KMT2D: variants seen among roughly 807,000 people sequenced by gnomAD.
KMT2D encodes lysine methyltransferase 2D.
In KMT2D, 55 loss-of-function variants were observed where a neutral mutation model predicts 512.7. The ratio of observed to expected loss-of-function variants is 0.11; its 90% CI spans 0.09 to 0.13. The LOEUF is 0.13. Among genes scored for constraint, KMT2D ranks in the 10% least tolerant of loss-of-function variants. KMT2D has a pLI of 1.00. For synonymous variants in KMT2D, 2,995 were observed against 2,904.0 expected, an observed-to-expected ratio of 1.03 and a Z score of -1.01; for missense variants, 6,061 against 7,127.9, an observed-to-expected ratio of 0.85 and a Z score of 5.39.
Position 49,042,017 on chromosome 12 carries a change from G to A in KMT2D, c.6110-27C>T. The A allele has an allele frequency of 1.2e-6, 2 of 1,612,178 alleles. No individual in the cohort carries two copies. Among genetic ancestry groups the A allele is most frequent in the Non-Finnish European group, 1.7e-6 (2 of 1,178,906 alleles). On this transcript the variant is annotated intron_variant, in intron 29 of 54. Transcript: ENST00000301067. This position sits in a 1 kb window ranked among gnomAD's most constrained non-coding sequence, Gnocchi z 4.4. ...TGGAGGGCAGAGAGAGTGAGTCAGA[G>A]AAGACTTGGCAGGCGACTCCTCCAC...
intron 35 of KMT2D, among the ~76,000 whole-genome samples, chr12:49,035,138 G>A (rs542963515): frequency 7.2e-5 from 11 of 152,206 alleles, no homozygotes; most frequent in African/African-American, 9.6e-5. Context: ...TACTTGCACC[G>A]TGCTACAAAA....
In KMT2D at chr12:49,033,324, G is replaced by A. The variant is rs1489932502; in HGVS notation, c.11381C>T (p.Pro3794Leu). Residue 3794 changes from proline to leucine, a missense_variant, in exon 40 of 55, where the codon CCA becomes CTA. Pro to Leu is a moderately conservative substitution (Grantham distance 98, BLOSUM62 -3). Transcript: ENST00000301067. ...GLLVQQLSPQ[P>L]PQGPQGMLGP... ...CAGCATGCCCTGGGGCCCCTGGGGT[G>A]GTTGAGGGGACAGCTGCTGGACCAG... The A allele has an allele frequency of 6.3e-7, 1 of 1,594,170 alleles. No homozygotes were observed. The highest frequency in any genetic ancestry group is 8.5e-7 in the Non-Finnish European group (1 of 1,170,616).
In KMT2D at chr12:49,043,950, G is replaced by C. The variant is rs2120576105; in HGVS notation, c.5237C>G (p.Ala1746Gly). Residue 1746 changes from alanine to glycine, a missense_variant, in exon 23 of 55, where the codon GCT (alanine) becomes GGT (glycine). Ala to Gly is a moderately conservative substitution (Grantham distance 60). Transcript: ENST00000301067. ...TTGCTTCTTCTTCTCATCCCCTTCA[G>C]CTAAGCTCTGCTCCACGGCGCCCTC... ...PAEGAVEQSL[A>G]EGDEKKKQQR... 1 of 1,614,034 alleles carries C rather than the reference G, an allele frequency of 6.2e-7. No homozygotes were observed. The highest frequency in any genetic ancestry group is 8.5e-7 in the Non-Finnish European group (1 of 1,179,908).
At position 49,051,034 on chromosome 12, in the gene KMT2D, G is replaced by A. The variant is rs764325178; in HGVS notation, c.2649C>T (p.Phe883=). 1.3e-6 allele frequency: 2 copies of A among 1,551,990 alleles called. No individual in the cohort carries two copies. The highest frequency in any genetic ancestry group is 2.0e-5 in the Admixed American group (1 of 49,394). Residue 883 remains phenylalanine (F), a synonymous_variant, in exon 11 of 55, where the codon TTC becomes TTT. Coordinates refer to ENST00000301067, the MANE Select transcript of KMT2D (RefSeq NM_003482.4). ...ATAAGGATGGTTCCCCAGGGGGAGG[G>A]AACAAGGGCAGCTCCTCAGGTGCAG... The part of the protein sequence containing the change: ...QCPAPEELPL[F]PPPGEPSLSP...
rs1194839707 is a variant in KMT2D, at chr12:49,031,669, G to A, written c.13036C>T (p.Pro4346Ser). 3.1e-6 allele frequency: 5 copies of A among 1,610,386 alleles called. No homozygotes were observed. The African/African-American group carries it at 6.7e-5, about 22-fold the overall frequency. ...LPPTHPGTPK[P>S]QGPTLEPPPG... ...GGCGGCTCCAAGGTTGGCCCCTGAG[G>A]TTTGGGGGTCCCTGGATGGGTGGGA... is the stretch of plus-strand genomic sequence containing the variant. Residue 4346 changes from proline to serine, a missense_variant, in exon 40 of 55, where the codon CCT becomes TCT. Physicochemically the swap from Pro to Ser is moderately conservative, Grantham distance 74. Around this residue, in one of 16 missense-constraint regions of KMT2D, gnomAD observed 1,600 missense variants for 1,754.9 expected, o/e 0.91. Transcript: ENST00000301067.
intron 12 of KMT2D, among the ~76,000 whole-genome samples, chr12:49,049,480 C>T (rs1432949426): frequency 6.6e-6 from 1 of 152,196 alleles, no homozygotes; most frequent in African/African-American, 2.4e-5. Flanking sequence ...GTTTCTGGTC[C>T]CAATTCTATT....
In KMT2D at chr12:49,018,988, GTTCT is replaced by G. The variant is rs1242275487; in HGVS notation, c.*2788_*2791del. ...GGACGGAGCCGCTTGTATTTAAAAT[GTTCT>G]TTTTTTATTTGTCGTTTAAAAACAA... On this transcript the variant is annotated 3_prime_UTR_variant, in exon 55 of 55. Transcript: ENST00000301067. The G allele has an allele frequency of 1.2e-5, 17 of 1,402,776 alleles. No homozygotes were observed. The highest frequency in any genetic ancestry group is 1.6e-5 in the Non-Finnish European group (17 of 1,082,098). The allele number at this position is 1,402,776 out of a possible 1,614,324, so 86.9% of individuals were successfully genotyped here.
At chr12:49,053,690 C>A in intron 6 of KMT2D, 49 bp from the exon 7 acceptor site, 1 of 1,544,564 alleles carries the variant, frequency 6.5e-7, no homozygotes, top group Non-Finnish European at 8.8e-7. Flanking sequence ...CCTTGTAAGC[C>A]TCAGCACATT....
rs2120703527 is a variant in KMT2D at position 49,054,026 on chromosome 12, T to C, written c.625A>G (p.Thr209Ala). The C allele has an allele frequency of 6.2e-7, 1 of 1,613,876 alleles. No homozygotes were observed. The highest frequency in any genetic ancestry group is 8.5e-7 in the Non-Finnish European group (1 of 1,179,872). The part of the protein sequence containing the change: ...TASGSFLSMK[T>A]LQLLCPEHSE... Reference sequence around the variant, plus strand: ...TGCTCTGGGCATAGCAGCTGCAGTGTTTTCATGGATAGGAAGGAACCGCTG... The same window carrying C: ...TGCTCTGGGCATAGCAGCTGCAGTGCTTTCATGGATAGGAAGGAACCGCTG... The change falls in exon 6 of 55, where the codon ACA becomes GCA. Residue 209 changes from threonine (T) to alanine (A), a missense_variant. Physicochemically the swap from Thr to Ala is moderately conservative, Grantham distance 58. Coordinates refer to ENST00000301067, the MANE Select transcript of KMT2D (RefSeq NM_003482.4). The surrounding 1 kb of genome is among the most constrained non-coding windows in gnomAD (Gnocchi z 6.4).
Position 49,049,983 on chromosome 12 carries a change from G to T in KMT2D, c.3605C>A (p.Ser1202Tyr), listed in dbSNP as rs747921403. 2 of 1,613,942 alleles carry T rather than the reference G, an allele frequency of 1.2e-6. No individual in the cohort carries two copies. The highest frequency in any genetic ancestry group is 1.7e-6 in the Non-Finnish European group (2 of 1,179,898). Residue 1202 changes from serine (S) to tyrosine (Y), a missense_variant, in exon 12 of 55, where the codon TCC (serine) becomes TAC (tyrosine). By Grantham distance (144) the Ser-to-Tyr change is moderately radical. Coordinates refer to ENST00000301067, the MANE Select transcript of KMT2D (RefSeq NM_003482.4). ...ATTAGAGATCTCGTTAACGATGTCG[G>T]ATTTGATGAGAGTGGGTGGTGTGGG... ...VAPTPPTLIKSDIVNEISNLS... is the reference protein window; with the variant it reads ...VAPTPPTLIKYDIVNEISNLS...
rs1942181417 is a variant in KMT2D at position 49,019,273 on chromosome 12, A to AG, written c.*2506dup. 2 of 610,384 alleles carry AG rather than the reference A, an allele frequency of 3.3e-6. No individual in the cohort carries two copies. Among genetic ancestry groups the AG allele is most frequent in the Admixed American group, 1.2e-4 (2 of 16,182 alleles). 37.8% of individuals were successfully genotyped at this position (610,384 alleles called of 1,614,324 possible). On this transcript the variant is annotated 3_prime_UTR_variant, in exon 55 of 55. Transcript: ENST00000301067. ...AGCGATTTATTTTTTAAAAAGGGGG[A>AG]GGGTCCTGGAGGTGAGGGGAGAAGA... is the stretch of plus-strand genomic sequence containing the variant.
In KMT2D at chr12:49,038,489, G is replaced by A. The variant is rs2120498674; in HGVS notation, c.8867C>T (p.Thr2956Ile). Residue 2956 changes from threonine to isoleucine, a missense_variant, in exon 35 of 55, where the codon ACC becomes ATC. Thr to Ile is a moderately conservative substitution (Grantham distance 89, BLOSUM62 -1). This residue lies in a region of KMT2D where 527 missense variants were observed against 578.9 expected (regional missense o/e 0.91). Coordinates refer to ENST00000301067, the MANE Select transcript of KMT2D (RefSeq NM_003482.4). This position sits in a 1 kb window ranked among gnomAD's most constrained non-coding sequence, Gnocchi z 5.7. Reference sequence around the variant, plus strand: ...GACCAGCTCCAAACCAGTTGGCAGGGTAGGACCCTTGGTGTGGGGTGTTGG... The same window carrying A: ...GACCAGCTCCAAACCAGTTGGCAGGATAGGACCCTTGGTGTGGGGTGTTGG... ...LHPTPHTKGP[T>I]LPTGLELVNR... is the part of the protein sequence containing the mutation. The A allele has an allele frequency of 6.2e-7, 1 of 1,607,258 alleles. No individual in the cohort carries two copies. The highest frequency in any genetic ancestry group is 8.5e-7 in the Non-Finnish European group (1 of 1,175,296).
In KMT2D at chr12:49,054,172, G is replaced by T; in HGVS notation, c.511-32C>A. 6.4e-7 allele frequency: 1 copy of T among 1,562,802 alleles called. No individual in the cohort carries two copies. The highest frequency in any genetic ancestry group is 2.4e-5 in the East Asian group (1 of 42,546). ...GGGTGAAAAAAGAGCCTCAGTGTCA[G>T]CCAGCTCTCCCCAGACAAACAGTTC... On this transcript the variant is annotated intron_variant, in intron 5 of 54. Coordinates refer to ENST00000301067, the MANE Select transcript of KMT2D (RefSeq NM_003482.4). The surrounding 1 kb of genome is among the most constrained non-coding windows in gnomAD (Gnocchi z 6.4).
At chr12:49,053,428 C>T (rs565366509) in intron 7 of KMT2D, 48 bp downstream of exon 7, 2 of 1,610,960 alleles carry the variant, frequency 1.2e-6, no homozygotes, top group South Asian at 2.2e-5. Flanking sequence ...ATTTTCAACC[C>T]TAACCTGTGT....
At position 49,037,274 on chromosome 12, in the gene KMT2D, T is replaced by C. The variant is rs1943266652; in HGVS notation, c.10082A>G (p.His3361Arg). ...SNQGHMLSGQ[H>R]GGQAGLVPQQ... is the part of the protein sequence containing the mutation. ...GGGTACCAAGCCTGCCTGCCCTCCA[T>C]GCTGCCCACTTAGCATATGCCCTTG... is the stretch of plus-strand genomic sequence containing the variant. Residue 3361 changes from histidine (H) to arginine (R), a missense_variant, in exon 35 of 55, where the codon CAT becomes CGT. Transcript: ENST00000301067. 1.7e-5 allele frequency: 27 copies of C among 1,613,602 alleles called. No homozygotes were observed. The highest frequency in any genetic ancestry group is 2.2e-5 in the Non-Finnish European group (26 of 1,179,850).
At position 49,031,286 on chromosome 12, in the gene KMT2D, T is replaced by C. The variant is rs1416186551; in HGVS notation, c.13419A>G (p.Gln4473=). 6.2e-7 allele frequency: 1 copy of C among 1,613,344 alleles called. No individual in the cohort carries two copies. Among genetic ancestry groups the C allele is most frequent in the Non-Finnish European group, 8.5e-7 (1 of 1,179,880 alleles). The change falls in exon 40 of 55, where the codon CAA becomes CAG. Residue 4473 remains glutamine (Q), a synonymous_variant. Coordinates refer to ENST00000301067, the MANE Select transcript of KMT2D (RefSeq NM_003482.4). ...LQKLLRAKNV[Q]LSTGRGSEGL... ...CCTCGGACCCCCGCCCAGTGCTGAG[T>C]TGCACATTCTTTGCCCGGAGTAGCT...
rs762922149 is a variant in KMT2D, at chr12:49,051,640, G to C, written c.2043C>G (p.Ser681=). The C allele has an allele frequency of 3.2e-6, 5 of 1,573,912 alleles. No individual in the cohort carries two copies. The Admixed American group carries it at 8.7e-5, about 27-fold the overall frequency. ...AGAGGCGTGAAGCCTCAGGTGGAGG[G>C]GACGTGGGAGACTCCTCAGGCGGTG... ...LSPPPEESPT[S]PPPEASRLSP... Residue 681 remains serine, a synonymous_variant, in exon 11 of 55, where the codon TCC becomes TCG. Transcript: ENST00000301067.
Position 49,039,243 on chromosome 12 carries a change from G to T in KMT2D, c.8345C>A (p.Ser2782Tyr). The change falls in exon 34 of 55, where the codon TCC becomes TAC. Residue 2782 changes from serine (S) to tyrosine (Y), a missense_variant. Ser to Tyr is a moderately radical substitution (Grantham distance 144). This residue lies in a region of KMT2D where 527 missense variants were observed against 578.9 expected (regional missense o/e 0.91). Coordinates refer to ENST00000301067, the MANE Select transcript of KMT2D (RefSeq NM_003482.4). This position sits in a 1 kb window ranked among gnomAD's most constrained non-coding sequence, Gnocchi z 5.0. Reference protein sequence around the residue: ...LSRPPPPATPSSMDVNSRQLV... With the variant: ...LSRPPPPATPYSMDVNSRQLV... ...TCACCGGCTGTTCACATCCATAGAG[G>T]AAGGCGTGGCTGGTGGAGGTGGCCG... The T allele has an allele frequency of 6.2e-7, 1 of 1,613,836 alleles. No homozygotes were observed. The highest frequency in any genetic ancestry group is 8.5e-7 in the Non-Finnish European group (1 of 1,179,886).
In KMT2D at chr12:49,039,463, C is replaced by T. The variant is rs974587965; in HGVS notation, c.8201G>A (p.Arg2734Gln). The stretch of plus-strand genomic sequence containing the variant: ...TGTCCCAGCAAAGGGGGTCTGGCCT[C>T]GACTCAGCTGCTCAAAGGCAGGGCT... The part of the protein sequence containing the change: ...PSSPAFEQLS[R>Q]GQTPFAGTQD... The change falls in exon 33 of 55, where the codon CGA (arginine) becomes CAA (glutamine). Residue 2734 changes from arginine to glutamine, a missense_variant. By Grantham distance (43) the Arg-to-Gln change is conservative. This residue lies in a region of KMT2D where 527 missense variants were observed against 578.9 expected (regional missense o/e 0.91). Coordinates refer to ENST00000301067, the MANE Select transcript of KMT2D (RefSeq NM_003482.4). This position sits in a 1 kb window ranked among gnomAD's most constrained non-coding sequence, Gnocchi z 5.0. The T allele has an allele frequency of 2.5e-6, 4 of 1,604,292 alleles. No homozygotes were observed. The highest frequency in any genetic ancestry group is 1.1e-5 in the South Asian group (1 of 90,130).
Sources: gnomAD v4.1 joint callset for allele counts (sites outside exome capture counted in the v4.1 genomes callset) on GRCh38, gnomAD v4.1.1 for gene constraint, gnomAD v4.1.1 regional missense constraint, Gnocchi (gnomAD v3.1) non-coding constraint, MANE v1.5 for transcripts, NCBI Gene and HGNC (gene_info 2026-07-23, HGNC 2026-07-21) for gene names.